The following P4HA3 variants were observed in gnomAD, a reference collection of about 807,000 sequenced individuals.
The protein encoded by P4HA3 is prolyl 4-hydroxylase subunit alpha-3.
Under a neutral mutation model 66.7 loss-of-function variants are expected in P4HA3, and 60 were observed. The ratio of observed to expected loss-of-function variants is 0.90; its 90% confidence interval spans 0.73 to 1.12. The LOEUF is 1.12. P4HA3 is among the 50% of genes most tolerant of loss of function. The pLI, the probability that P4HA3 is intolerant of heterozygous loss-of-function variation, is 0.00. For missense variants in P4HA3, 683 were observed against 685.8 expected (o/e 1.00, Z 0.05); for synonymous variants, 263 against 274.6 (o/e 0.96, Z 0.42).
intron 15 of P4HA3, among the ~76,000 whole-genome samples, chr11:74,255,697 C>A (rs775207968): frequency 6.6e-6 from 1 of 152,232 alleles, no homozygotes; most frequent in Non-Finnish European, 1.5e-5. Flanking sequence ...GAACTTTATT[C>A]AGGGCCGTCT....
chr11:74,252,581 T>C (rs985014362), intron 15 of P4HA3: 19 of 453,668 alleles, frequency 4.2e-5, no homozygotes, highest in African/African-American at 3.0e-4. Flanking sequence ...CTCAGCTTTA[T>C]TGACATTTTG....
At position 74,252,251 on chromosome 11, in the gene P4HA3, G is replaced by GTT. The variant is rs1249533305; in HGVS notation, c.*1319-4252_*1319-4251dup. On this transcript the variant is annotated intron_variant and NMD_transcript_variant, in intron 15 of 15. Transcript: ENST00000524388. ...CCCGGCTAATTTTGTTTTTTTTTTT[G>GTT]TTTTTTTTTTTTTTTAGTAAAGATG... is the stretch of plus-strand genomic sequence containing the variant. Among the ~76,000 whole-genome samples, 498 of 118,434 alleles carry GTT rather than the reference G, an allele frequency of 4.2e-3. 6 individuals carry two copies. The highest frequency in any genetic ancestry group is 0.014 in the African/African-American group (466 of 32,182). The allele number at this position is 118,434 out of a possible 152,430, so 77.7% of individuals were successfully genotyped here.
chr11:74,286,798 C>T (rs553828056), intron 5 of P4HA3, among the ~76,000 whole-genome samples: 8 of 152,190 alleles, frequency 5.3e-5, no homozygotes, highest in Admixed American at 5.2e-4. Context: ...AGATACTGTG[C>T]TACAGGTTGA....
At chr11:74,259,181 G>A (rs1859870800) in intron 15 of P4HA3, among the ~76,000 whole-genome samples, 1 of 152,082 alleles carries the variant, frequency 6.6e-6, no homozygotes, top group Admixed American at 6.5e-5. Flanking sequence ...GGCAGATAGT[G>A]AGGCTTGGCC....
intron 4 of P4HA3, 112 bp from the exon 5 acceptor site, chr11:74,289,242 G>T: frequency 2.1e-6 from 2 of 949,286 alleles, no homozygotes; most frequent in East Asian, 6.0e-5. Flanking sequence ...ACCATAAGTA[G>T]ATAATAAGGC....
intron 3 of P4HA3, among the ~76,000 whole-genome samples, chr11:74,298,775 G>A (rs1483707037): frequency 1.3e-5 from 2 of 152,192 alleles, no homozygotes; most frequent in African/African-American, 4.8e-5. Context: ...AGCAGAGACT[G>A]GGAAGAAAAG....
intron 14 of P4HA3, chr11:74,260,263 G>T (rs1299647450): frequency 1.3e-5 from 2 of 152,264 alleles, no homozygotes; most frequent in African/African-American, 4.8e-5. Flanking sequence ...GGGACCCAGG[G>T]AGCTGGATAG....
intron 15 of P4HA3, chr11:74,250,702 C>T: frequency 2.2e-6 from 1 of 457,448 alleles, no homozygotes; most frequent in East Asian, 3.4e-5. Flanking sequence ...AGAACTGTTT[C>T]TTCTATGTGT....
Position 74,266,940 on chromosome 11 carries a change from A to C in P4HA3, c.*308T>G. On this transcript the variant is annotated 3_prime_UTR_variant, in exon 13 of 13. Coordinates refer to ENST00000331597, the MANE Select transcript of P4HA3 (RefSeq NM_182904.5). ...AAAAGACCCACTGATCGAACCTGAG[A>C]CTGTTGAGATGTCCTGTTCCCAACA... 1 of 1,320,508 alleles carries C rather than the reference A, an allele frequency of 7.6e-7. No homozygotes were observed. The highest frequency in any genetic ancestry group is 1.0e-6 in the Non-Finnish European group (1 of 990,412). The allele number at this position is 1,320,508 out of a possible 1,614,324, so 81.8% of individuals were successfully genotyped here.
At chr11:74,269,344 T>G (rs1240754753) in intron 11 of P4HA3, among the ~76,000 whole-genome samples, 1 of 152,212 alleles carries the variant, frequency 6.6e-6, no homozygotes, top group Non-Finnish European at 1.5e-5. Context: ...AACTAGATGC[T>G]GTAGAGGATC....
At chr11:74,282,981 C>T (rs191489626) in intron 7 of P4HA3, among the ~76,000 whole-genome samples, 9 of 152,154 alleles carry the variant, frequency 5.9e-5, no homozygotes, top group African/African-American at 1.9e-4. Flanking sequence ...CAAAGATGGG[C>T]AGGATGTGGT....
intron 7 of P4HA3, among the ~76,000 whole-genome samples, chr11:74,279,851 CGTAA>C (rs1014472030): frequency 2.6e-5 from 4 of 152,140 alleles, no homozygotes; most frequent in Non-Finnish European, 4.4e-5. Context: ...GTAAGCACTT[CGTAA>C]GTGTTTGTCG....
At chr11:74,260,656 T>C (rs1260113321) in intron 14 of P4HA3, among the ~76,000 whole-genome samples, 1 of 152,240 alleles carries the variant, frequency 6.6e-6, no homozygotes, top group Admixed American at 6.5e-5. Context: ...TTTAGGTTTA[T>C]CAAAAGAGCA....
At position 74,270,154 on chromosome 11, in the gene P4HA3, C is replaced by T. The variant is rs78730745; in HGVS notation, c.1399-434G>A. ...TATCTGAGATAGCTTCTGATCTTCT[C>T]TACTTTATTTTATTCTATTCTAGTG... On this transcript the variant is annotated intron_variant, in intron 10 of 12. Coordinates refer to ENST00000331597, the MANE Select transcript of P4HA3 (RefSeq NM_182904.5). 4.2e-3 allele frequency among the ~76,000 whole-genome samples: 646 copies of T among 152,292 alleles called. 22 individuals are homozygous for T. The East Asian group carries it at 0.081, about 19-fold the overall frequency.
At chr11:74,282,258 A>G (rs547850517) in intron 7 of P4HA3, among the ~76,000 whole-genome samples, 2 of 152,208 alleles carry the variant, frequency 1.3e-5, no homozygotes, top group South Asian at 4.2e-4. Context: ...TGGAACAAAT[A>G]TTTATTGGTT....
chr11:74,278,160 C>G (rs547333451), intron 8 of P4HA3, among the ~76,000 whole-genome samples: 1 of 151,854 alleles, frequency 6.6e-6, no homozygotes, highest in South Asian at 2.1e-4. Flanking sequence ...GTGGGGCACT[C>G]AGGTAAGATA....
In P4HA3 at chr11:74,269,863, C is replaced by A; in HGVS notation, c.1399-143G>T. The stretch of plus-strand genomic sequence containing the variant: ...ATACTTGAAAGACAATCATCCAACT[C>A]AGGAGGAACTTCGGGAGCCTACTCA... On this transcript the variant is annotated intron_variant, in intron 10 of 12. Transcript: ENST00000331597. 4 of 865,482 alleles carry A rather than the reference C, an allele frequency of 4.6e-6. No homozygotes were observed. The South Asian group carries it at 7.9e-5, about 17-fold the overall frequency. The allele number at this position is 865,482 out of a possible 1,614,324, so 53.6% of individuals were successfully genotyped here. A position where few individuals can be genotyped will look rare whatever the true frequency, so the allele number is the denominator to read the frequency against.
chr11:74,265,470 C>G (rs759186380), downstream of P4HA3, among the ~76,000 whole-genome samples: 7 of 152,226 alleles, frequency 4.6e-5, no homozygotes, highest in Non-Finnish European at 1.0e-4. Flanking sequence ...CATCCAACCA[C>G]CCAGTCCTTG....
At chr11:74,255,617 A>G (rs918173650) in intron 15 of P4HA3, among the ~76,000 whole-genome samples, 1 of 147,106 alleles carries the variant, frequency 6.8e-6, no homozygotes, top group African/African-American at 2.7e-5. Flanking sequence ...TGGCTTTCTC[A>G]CTAACTGGCA....
Sources: gnomAD v4.1 joint callset for allele counts (sites outside exome capture counted in the v4.1 genomes callset) on GRCh38, gnomAD v4.1.1 for gene constraint, MANE v1.5 for transcripts, NCBI Gene and HGNC (gene_info 2026-07-23, HGNC 2026-07-21) for gene names.